STARD9: variants seen among roughly 807,000 people sequenced by gnomAD.
The protein encoded by STARD9 is stAR-related lipid transfer protein 9.
STARD9 carries 346 observed loss-of-function variants against 399.8 expected under a neutral mutation model. That is an observed-to-expected ratio of 0.87 (90% CI 0.79 to 0.95). The LOEUF (loss-of-function observed/expected upper bound fraction) is 0.95. STARD9 is among the 40% of genes least tolerant of loss of function. STARD9 has a pLI of 0.00. For missense variants in STARD9, 5,832 were observed against 5,667.5 expected (o/e 1.03, Z -0.93); for synonymous variants, 2,203 against 2,143.5 (o/e 1.03, Z -0.77).
At chr15:42,701,688 CAG>C (rs2140337272) in intron 26 of STARD9, among the ~76,000 whole-genome samples, 2 of 152,222 alleles carry the variant, frequency 1.3e-5, no homozygotes, top group East Asian at 3.9e-4. Context: ...GCATGACCAA[CAG>C]AAGATGTTGA....
Position 42,691,318 on chromosome 15 carries a change from C to T in STARD9, c.9740C>T (p.Ala3247Val). The T allele has an allele frequency of 6.5e-7, 1 of 1,537,208 alleles. No individual in the cohort carries two copies. Among genetic ancestry groups the T allele is most frequent in the Admixed American group, 2.0e-5 (1 of 51,000 alleles). ...TTAGATGGCTGTCAGATTTTAGATG[C>T]TGGGAGAGAGGAGGTGGCTGTGGCC... is the stretch of plus-strand genomic sequence containing the variant. Reference protein sequence around the residue: ...DGLDGCQILDAGREEVAVAKP... With the variant: ...DGLDGCQILDVGREEVAVAKP... The change falls in exon 23 of 33, where the codon GCT (alanine) becomes GTT (valine). Residue 3247 changes from alanine (A) to valine (V), a missense_variant. Transcript: ENST00000290607.
At position 42,636,248 on chromosome 15, in the gene STARD9, A is replaced by G. The variant is rs565355629; in HGVS notation, c.351+1276A>G. On this transcript the variant is annotated intron_variant, in intron 4 of 32. Coordinates refer to ENST00000290607, the MANE Select transcript of STARD9 (RefSeq NM_020759.3). ...GAGGTTGAGGCTGCAGTGATTAGCC[A>G]TGATCTTGCCACTGTACTCCACCCT... is the stretch of plus-strand genomic sequence containing the variant. 1.4e-3 allele frequency among the ~76,000 whole-genome samples: 207 copies of G among 152,198 alleles called. 1 individual carries two copies. Among genetic ancestry groups the G allele is most frequent in the African/African-American group, 4.7e-3 (194 of 41,520 alleles).
rs869264641 is a variant in STARD9, at chr15:42,656,327, T to TAAAAAAAAAAAAA, written c.702+3763_702+3775dup. Among the ~76,000 whole-genome samples, 3 of 35,342 alleles carry TAAAAAAAAAAAAA rather than the reference T, an allele frequency of 8.5e-5. 1 individual carries two copies. Among genetic ancestry groups the TAAAAAAAAAAAAA allele is most frequent in the African/African-American group, 3.3e-4 (3 of 9,220 alleles). The allele number at this position is 35,342 out of a possible 152,430, so 23.2% of individuals were successfully genotyped here. The stretch of plus-strand genomic sequence containing the variant: ...ATGCCACTGCACTCCAGCCATCTCC[T>TAAAAAAAAAAAAA]AAAAAAAAAAAAAAAAAAAAAAAAA... On this transcript the variant is annotated intron_variant, in intron 9 of 32. Coordinates refer to ENST00000290607, the MANE Select transcript of STARD9 (RefSeq NM_020759.3).
chr15:42,575,819 G>A, intron 1 of STARD9, 57 bp downstream of exon 1: 1 of 1,496,630 alleles, frequency 6.7e-7, no homozygotes, highest in Non-Finnish European at 9.0e-7. Flanking sequence ...AAGAGCGGGA[G>A]GTCCGCGTCT....
Position 42,693,541 on chromosome 15 carries a change from G to A in STARD9, c.11963G>A (p.Ser3988Asn), listed in dbSNP as rs113550192. ...ELHSPHSPQQ[S>N]PKLQFSFLGQ... ...CACTCCCCACACAGCCCACAGCAGA[G>A]TCCAAAACTCCAATTTAGTTTCTTA... The change falls in exon 23 of 33, where the codon AGT (serine) becomes AAT (asparagine). Residue 3988 changes from serine (S) to asparagine (N), a missense_variant. This residue lies in a region of STARD9 where 5,828 missense variants were observed against 5,651.1 expected (regional missense o/e 1.03). Coordinates refer to ENST00000290607, the MANE Select transcript of STARD9 (RefSeq NM_020759.3). The A allele has an allele frequency of 1.3e-4, 201 of 1,537,288 alleles. 2 individuals carry two copies. The African/African-American group carries it at 2.3e-3, about 17-fold the overall frequency.
At chr15:42,695,961 A>T in intron 26 of STARD9, 81 bp downstream of exon 26, 1 of 1,432,434 alleles carries the variant, frequency 7.0e-7, no homozygotes, top group Non-Finnish European at 9.2e-7. Flanking sequence ...TGCCTCCTGG[A>T]GTTTGGGCAA....
intron 14 of STARD9, 79 bp downstream of exon 14, chr15:42,665,409 G>A (rs2060078284): frequency 8.6e-7 from 1 of 1,166,936 alleles, no homozygotes; most frequent in South Asian, 1.3e-5. Flanking sequence ...TAGAGTCTGG[G>A]CCCTGCTGCA....
At chr15:42,581,374 C>T (rs1226167558) in intron 1 of STARD9, 15 of 1,477,190 alleles carry the variant, frequency 1.0e-5, no homozygotes, top group East Asian at 2.3e-5. Flanking sequence ...AGCGTCCCCT[C>T]GGGCGTGGTG....
chr15:42,626,730 T>G (rs975149388), intron 3 of STARD9, among the ~76,000 whole-genome samples: 1 of 151,622 alleles, frequency 6.6e-6, no homozygotes, highest in Non-Finnish European at 1.5e-5. Flanking sequence ...CAGGCTGGTC[T>G]CGAACTCCTG....
At chr15:42,650,067 T>C (rs2059728170) in intron 7 of STARD9, among the ~76,000 whole-genome samples, 1 of 151,658 alleles carries the variant, frequency 6.6e-6, no homozygotes, top group Admixed American at 6.6e-5. Flanking sequence ...GGTTTCTCCA[T>C]GTTCGCCAGG....
chr15:42,677,430 G>A (rs563316887), intron 20 of STARD9, among the ~76,000 whole-genome samples: 1 of 152,326 alleles, frequency 6.6e-6, no homozygotes, highest in Admixed American at 6.5e-5. Context: ...GGTAGAAGAG[G>A]TGACACAAGG....
intron 7 of STARD9, among the ~76,000 whole-genome samples, chr15:42,639,624 G>A (rs1347913048): frequency 1.3e-5 from 2 of 152,178 alleles, no homozygotes; most frequent in Non-Finnish European, 2.9e-5. Flanking sequence ...TGCTTTGGGA[G>A]GCTGAGATTG....
chr15:42,687,419 G>C lies in STARD9; in HGVS notation c.5841G>C (p.Leu1947Phe). The C allele has an allele frequency of 6.5e-7, 1 of 1,537,118 alleles. No homozygotes were observed. Among genetic ancestry groups the C allele is most frequent in the Non-Finnish European group, 8.7e-7 (1 of 1,146,914 alleles). ...TGCCAGGGGAAAGTGCTGTTTCTTT[G>C]AAATCCAGATCAGTAGATCGTAGAG... ...KDMPGESAVS[L>F]KSRSVDRRVS... Residue 1947 changes from leucine to phenylalanine, a missense_variant, in exon 23 of 33, where the codon TTG (leucine) becomes TTC (phenylalanine). Physicochemically the swap from Leu to Phe is conservative, Grantham distance 22. Coordinates refer to ENST00000290607, the MANE Select transcript of STARD9 (RefSeq NM_020759.3).
intron 3 of STARD9, among the ~76,000 whole-genome samples, chr15:42,627,979 C>A (rs910169532): frequency 6.6e-6 from 1 of 152,048 alleles, no homozygotes; most frequent in African/African-American, 2.4e-5. Context: ...GTAATTTTAT[C>A]TTTAGTGTTT....
chr15:42,593,344 A>C (rs1456534366), intron 3 of STARD9, among the ~76,000 whole-genome samples: 1 of 152,048 alleles, frequency 6.6e-6, no homozygotes, highest in Non-Finnish European at 1.5e-5. Context: ...GTGTTTGTAA[A>C]ACTTTCCATG....
Position 42,693,676 on chromosome 15 carries a change from C to T in STARD9, c.12098C>T (p.Pro4033Leu), listed in dbSNP as rs963552272. The T allele has an allele frequency of 1.3e-6, 2 of 1,537,112 alleles. No individual in the cohort carries two copies. Among genetic ancestry groups the T allele is most frequent in the African/African-American group, 1.4e-5 (1 of 73,062 alleles). The change falls in exon 23 of 33, where the codon CCT becomes CTT. Residue 4033 changes from proline (P) to leucine (L), a missense_variant. By Grantham distance (98) the Pro-to-Leu change is moderately conservative (BLOSUM62 -3). Transcript: ENST00000290607. Reference sequence around the variant, plus strand: ...CAAAGGCTGGGCAACAGCTTTGTGCCTGAGAAGGTGGCTTCCCCGGAGCAT... The same window carrying T: ...CAAAGGCTGGGCAACAGCTTTGTGCTTGAGAAGGTGGCTTCCCCGGAGCAT... ...RSQRLGNSFV[P>L]EKVASPEHCP...
chr15:42,674,864 T>C lies in STARD9; in HGVS notation c.1587T>C (p.Thr529=), dbSNP rs1411479169. 1.3e-6 allele frequency: 2 copies of C among 1,536,842 alleles called. No homozygotes were observed. Among genetic ancestry groups the C allele is most frequent in the South Asian group, 2.4e-5 (2 of 83,950 alleles). Residue 529 remains threonine (T), a synonymous_variant, in exon 18 of 33, where the codon ACT becomes ACC. Transcript: ENST00000290607. ...AGTGGATTGAGAGAGACCACTGCAC[T>C]ATCACCAGTGCCTGTGGTGTAGTTG... ...QGQWIERDHC[T]ITSACGVVVL... is the part of the protein sequence containing the mutation.
chr15:42,665,945 G>A, intron 15 of STARD9, 97 bp downstream of exon 15: 1 of 964,874 alleles, frequency 1.0e-6, no homozygotes, highest in Non-Finnish European at 1.6e-6. Flanking sequence ...GCAGGGCAGA[G>A]AAGAGCTGTC....
chr15:42,579,650 AAC>A (rs1156849406), intron 1 of STARD9, among the ~76,000 whole-genome samples: 1 of 152,160 alleles, frequency 6.6e-6, no homozygotes, highest in Non-Finnish European at 1.5e-5. Context: ...AAACTGGAAG[AAC>A]ACATTTTTTA....
Sources: gnomAD v4.1 joint callset for allele counts (sites outside exome capture counted in the v4.1 genomes callset) on GRCh38, gnomAD v4.1.1 for gene constraint, gnomAD v4.1.1 regional missense constraint, MANE v1.5 for transcripts, NCBI Gene and HGNC (gene_info 2026-07-23, HGNC 2026-07-21) for gene names.